Variants in IQSEC2 observed in about 807,000 individuals in gnomAD.
The protein encoded by IQSEC2 is IQ motif and SEC7 domain-containing protein 2.
A neutral mutation model predicts 74.6 loss-of-function variants in IQSEC2; 6 were observed. That is an observed-to-expected ratio of 0.08 (90% CI 0.04 to 0.16). The LOEUF (loss-of-function observed/expected upper bound fraction) is 0.16. Among genes scored for constraint, IQSEC2 ranks in the 10% least tolerant of loss-of-function variants. The pLI, the probability that IQSEC2 is intolerant of heterozygous loss-of-function variation, is 1.00. For synonymous variants in IQSEC2, 494 were observed against 544.5 expected, an observed-to-expected ratio of 0.91 and a Z score of 1.29; for missense variants, 734 against 1,306.2, an observed-to-expected ratio of 0.56 and a Z score of 6.75.
intron 8 of IQSEC2, among the ~76,000 whole-genome samples, chrX:53,244,820 C>T (rs1034165957): frequency 5.4e-5 from 6 of 111,389 alleles, no homozygotes; most frequent in Admixed American, 9.6e-5. Context: ...CTAGGGGGCA[C>T]ATTTTGGGTG....
chrX:53,282,600 G>A (rs2074981894), intron 2 of IQSEC2, among the ~76,000 whole-genome samples: 1 of 112,176 alleles, frequency 8.9e-6, no homozygotes, highest in African/African-American at 3.2e-5. Flanking sequence ...CAACAGGCCA[G>A]CCTTCCTGCC....
chrX:53,256,382 C>G (rs1272013844), intron 2 of IQSEC2, among the ~76,000 whole-genome samples: 4 of 110,138 alleles, frequency 3.6e-5, no homozygotes, highest in African/African-American at 1.3e-4. Context: ...TCCTCCCAGT[C>G]TTGTCTCCTC....
At chrX:53,317,160 G>T (rs1332103597) in intron 1 of IQSEC2, among the ~76,000 whole-genome samples, 9 of 112,125 alleles carry the variant, frequency 8.0e-5, no homozygotes, top group African/African-American at 1.9e-4. Context: ...ACCAGGCTTG[G>T]GGGGGTATGT....
chrX:53,296,443 C>T (rs782476420), intron 1 of IQSEC2, among the ~76,000 whole-genome samples: 1 of 111,972 alleles, frequency 8.9e-6, no homozygotes, highest in Non-Finnish European at 1.9e-5. Flanking sequence ...AGAAATCATG[C>T]GGGTCTCTCC....
At chrX:53,292,888 G>A (rs2075115560) in intron 1 of IQSEC2, among the ~76,000 whole-genome samples, 1 of 111,701 alleles carries the variant, frequency 9.0e-6, no homozygotes, top group Admixed American at 9.5e-5. Flanking sequence ...GGAGGACCAT[G>A]GAATTTGAAA....
At chrX:53,266,205 A>T (rs1034776572) in intron 2 of IQSEC2, 3 of 202,638 alleles carry the variant, frequency 1.5e-5, no homozygotes, top group East Asian at 2.5e-4. Context: ...TGACAAAACC[A>T]CGAATCAAAC....
chrX:53,279,735 G>A (rs2074912879), intron 2 of IQSEC2: 9 of 610,287 alleles, frequency 1.5e-5, no homozygotes, highest in South Asian at 1.2e-4. Context: ...GGGCGATGGG[G>A]GCAAGAAGGT....
chrX:53,266,219 A>T (rs1364405665), intron 2 of IQSEC2: 3 of 241,409 alleles, frequency 1.2e-5, no homozygotes, highest in South Asian at 2.0e-4. Context: ...ATCAAACCCT[A>T]CTCTCTTTCC....
intron 2 of IQSEC2, among the ~76,000 whole-genome samples, chrX:53,257,763 T>C (rs1191913118): frequency 8.9e-6 from 1 of 112,144 alleles, no homozygotes; most frequent in African/African-American, 3.2e-5. Context: ...CACATTTAGG[T>C]ACCATTCTTA....
chrX:53,292,093 A>G (rs183062152), intron 1 of IQSEC2, among the ~76,000 whole-genome samples, 169 bp from the exon 2 acceptor site: 2 of 112,161 alleles, frequency 1.8e-5, no homozygotes, highest in Non-Finnish European at 3.8e-5. Context: ...CAAGGCCGAG[A>G]GACAGTAGAG....
At chrX:53,275,265 A>G (rs1556869304) in intron 2 of IQSEC2, among the ~76,000 whole-genome samples, 3 of 110,167 alleles carry the variant, frequency 2.7e-5, no homozygotes, top group African/African-American at 1.0e-4. Flanking sequence ...TCCCGGGTTT[A>G]AGCAATTCTC....
intron 1 of IQSEC2, among the ~76,000 whole-genome samples, chrX:53,315,264 G>C (rs888465117): frequency 1.8e-5 from 2 of 111,783 alleles, no homozygotes; most frequent in Non-Finnish European, 3.8e-5. Context: ...GGTGGCACGT[G>C]TTTGTAATCC....
At chrX:53,256,133 G>A in intron 2 of IQSEC2, 72 bp from the exon 3 acceptor site, 2 of 1,002,055 alleles carry the variant, frequency 2.0e-6, no homozygotes, top group South Asian at 2.5e-5. Flanking sequence ...ACTGAGAGTG[G>A]GTGAGCCAGA....
chrX:53,321,045 T>A lies in IQSEC2; in HGVS notation c.79A>T (p.Asn27Tyr). The A allele has an allele frequency of 8.7e-7, 1 of 1,154,776 alleles. No homozygotes were observed. The highest frequency in any genetic ancestry group is 1.1e-6 in the Non-Finnish European group (1 of 871,328). Residue 27 changes from asparagine (N) to tyrosine (Y), a missense_variant, in exon 1 of 15, where the codon AAC (asparagine) becomes TAC (tyrosine). Physicochemically the swap from Asn to Tyr is moderately radical, Grantham distance 143. Around this residue, in one of 12 missense-constraint regions of IQSEC2, gnomAD observed 134 missense variants for 214.9 expected, o/e 0.62. Transcript: ENST00000642864. ...NRAVEYLLEL[N>Y]NIIESQQQLL... ...TGCTGCTGGCTCTCGATGATGTTGT[T>A]CAGCTCCAGCAGGTACTCCACGGCC...
At position 53,292,000 on chromosome X, in the gene IQSEC2, CT is replaced by C. The variant is rs781799217; in HGVS notation, c.708-77del. ...TCTCCCTCTGCCCTAGGTAGAGTGGCTTTGGGGGGCCTTGAGGCCTAATGCA... is the reference window on the plus strand; with the variant it reads ...TCTCCCTCTGCCCTAGGTAGAGTGGCTTGGGGGGCCTTGAGGCCTAATGCA... On this transcript the variant is annotated intron_variant, in intron 1 of 14. Coordinates refer to ENST00000642864, the MANE Select transcript of IQSEC2 (RefSeq NM_001111125.3). The C allele has an allele frequency of 5.4e-6, 5 of 917,898 alleles. No homozygotes were observed. The Admixed American group carries it at 1.4e-4, about 26-fold the overall frequency. 75.6% of individuals were successfully genotyped at this position (917,898 alleles called of 1,213,427 possible). A position where few individuals can be genotyped will look rare whatever the true frequency, so the allele number is the denominator to read the frequency against.
chrX:53,277,709 T>C (rs1466825310), intron 2 of IQSEC2, among the ~76,000 whole-genome samples: 1 of 111,482 alleles, frequency 9.0e-6, no homozygotes, highest in African/African-American at 3.3e-5. Context: ...CTTGCTCTGT[T>C]ACCCAGGCTG....
At chrX:53,275,254 C>T (rs2074810578) in intron 2 of IQSEC2, among the ~76,000 whole-genome samples, 1 of 110,614 alleles carries the variant, frequency 9.0e-6, no homozygotes, top group Non-Finnish European at 1.9e-5. Context: ...CATCCTCCAC[C>T]TCCCGGGTTT....
In IQSEC2 at chrX:53,314,053, A is replaced by G. The variant is rs149474534; in HGVS notation, c.707+6364T>C. On this transcript the variant is annotated intron_variant, in intron 1 of 14. Transcript: ENST00000642864. The stretch of plus-strand genomic sequence containing the variant: ...GTTGCCCAGGCTGGAGTGCAGTGGC[A>G]CAATCATAGTTCACTGTAACCTCAA... 3.4e-3 allele frequency among the ~76,000 whole-genome samples: 386 copies of G among 112,041 alleles called. 1 individual carries two copies. The highest frequency in any genetic ancestry group is 0.012 in the African/African-American group (362 of 30,838).
At chrX:53,292,010 C>A in intron 1 of IQSEC2, 86 bp from the exon 2 acceptor site, 1 of 796,913 alleles carries the variant, frequency 1.3e-6, no homozygotes, top group Non-Finnish European at 1.8e-6. Flanking sequence ...CTTTGGGGGG[C>A]CTTGAGGCCT....
Sources: allele counts gnomAD v4.1 joint callset (sites outside exome capture counted in the v4.1 genomes callset), GRCh38; gene constraint gnomAD v4.1.1; regional missense constraint gnomAD v4.1.1; transcripts MANE v1.5; gene names NCBI Gene and HGNC (gene_info 2026-07-23, HGNC 2026-07-21).